The following IQSEC1 variants were observed in gnomAD, a reference collection of about 807,000 sequenced individuals.
IQSEC1 encodes IQ motif and Sec7 domain ArfGEF 1.
A neutral mutation model predicts 91.0 loss-of-function variants in IQSEC1; 31 were observed. The ratio of observed to expected loss-of-function variants is 0.34; its 90% CI spans 0.26 to 0.46. The LOEUF (loss-of-function observed/expected upper bound fraction) is 0.46. Ranked by LOEUF, IQSEC1 falls within the 20% of genes least tolerant of loss-of-function variation. IQSEC1 has a pLI of 1.00. For synonymous variants in IQSEC1, 699 were observed against 662.6 expected (o/e 1.05, Z -0.84); for missense variants, 1,388 against 1,575.6 (o/e 0.88, Z 2.02).
intron 1 of IQSEC1, among the ~76,000 whole-genome samples, chr3:13,168,302 T>C (rs541572219): frequency 6.6e-6 from 1 of 152,350 alleles, no homozygotes; most frequent in East Asian, 1.9e-4. Flanking sequence ...GTAAAAATCA[T>C]CTCTAATCCT....
intron 1 of IQSEC1, among the ~76,000 whole-genome samples, chr3:13,210,277 G>A (rs1231762275): frequency 1.3e-5 from 2 of 152,128 alleles, no homozygotes; most frequent in Non-Finnish European, 2.9e-5. Flanking sequence ...AACGCCAAGT[G>A]CCCGGGACAG....
chr3:13,086,893 A>G (rs1419130122), intron 2 of IQSEC1, among the ~76,000 whole-genome samples: 4 of 152,202 alleles, frequency 2.6e-5, no homozygotes, highest in Non-Finnish European at 5.9e-5. Context: ...TCAAGAAAAT[A>G]TCCTGTCCAC....
intron 2 of IQSEC1, among the ~76,000 whole-genome samples, chr3:13,156,759 T>C (rs1399097859): frequency 6.6e-6 from 1 of 152,136 alleles, no homozygotes; most frequent in African/African-American, 2.4e-5. Flanking sequence ...GGTGAGATGA[T>C]AAGGGAAGAG....
At chr3:13,156,810 T>C (rs1306053632) in intron 2 of IQSEC1, among the ~76,000 whole-genome samples, 1 of 152,140 alleles carries the variant, frequency 6.6e-6, no homozygotes, top group Non-Finnish European at 1.5e-5. Flanking sequence ...GGAGAACTCA[T>C]CTTGGGTGAG....
intron 1 of IQSEC1, among the ~76,000 whole-genome samples, chr3:12,973,220 G>A (rs1255300848): frequency 1.3e-5 from 2 of 152,138 alleles, no homozygotes; most frequent in African/African-American, 2.4e-5. Flanking sequence ...TGTCTTTTCA[G>A]CCTCATTCCC....
Position 12,949,727 on chromosome 3 carries a change from G to A in IQSEC1, c.24-7862C>T, listed in dbSNP as rs894967975. Among the ~76,000 whole-genome samples the A allele has an allele frequency of 4.6e-5, 7 of 152,080 alleles. No individual in the cohort carries two copies. The East Asian group carries it at 9.7e-4, about 21-fold the overall frequency. ...GGGCTATCTTCACCTCTATGCCCCC[G>A]TCTCGGGGAGGGATGGGACACAGCC... On this transcript the variant is annotated intron_variant, in intron 1 of 13. Transcript: ENST00000613206.
chr3:13,097,648 T>G (rs1576248665), intron 2 of IQSEC1, among the ~76,000 whole-genome samples: 1 of 152,226 alleles, frequency 6.6e-6, no homozygotes, highest in East Asian at 1.9e-4. Context: ...TTAAGGGCCT[T>G]TTATTTCTCC....
At chr3:13,034,460 C>T (rs1703962245) in intron 1 of IQSEC1, among the ~76,000 whole-genome samples, 1 of 152,222 alleles carries the variant, frequency 6.6e-6, no homozygotes, top group Admixed American at 6.5e-5. Flanking sequence ...ACCCGTTTCC[C>T]GCCTCTTGCC....
intron 3 of IQSEC1, among the ~76,000 whole-genome samples, chr3:12,927,454 T>A (rs1697255571): frequency 7.2e-6 from 1 of 138,082 alleles, no homozygotes; most frequent in Non-Finnish European, 1.6e-5. Flanking sequence ...CATAGGTGCA[T>A]GCTCTAACTC....
chr3:13,072,995 T>C lies in IQSEC1; in HGVS notation c.20A>G (p.Tyr7Cys), dbSNP rs1038192622. MACRRRYFVEGEAPSSE... is the reference protein window; with the variant it reads MACRRRCFVEGEAPSSE... ...GAAACCTGCCACATATACTCACAAA[T>C]AGCGTCTTCTGCAAGCCATCCTGTG... The change falls in exon 1 of 14, where the codon TAT (tyrosine) becomes TGT (cysteine). Residue 7 changes from tyrosine (Y) to cysteine (C), a missense_variant. Tyr to Cys is a radical substitution (Grantham distance 194). Transcript: ENST00000613206. 3.2e-6 allele frequency: 5 copies of C among 1,551,578 alleles called. No individual in the cohort carries two copies. The highest frequency in any genetic ancestry group is 1.2e-5 in the South Asian group (1 of 84,064).
chr3:13,193,185 C>T lies in IQSEC1; in HGVS notation c.273-29052G>A, dbSNP rs1049115269. The stretch of plus-strand genomic sequence containing the variant: ...GCTCACACACAGAGCCTGCCCCATT[C>T]CCCGGACTCTCATGGGCATCTCTGC... On this transcript the variant is annotated intron_variant, in intron 1 of 15. Coordinates refer to the IQSEC1 transcript ENST00000648114. This position sits in a 1 kb window ranked among gnomAD's most constrained non-coding sequence, Gnocchi z 4.2. Among the ~76,000 whole-genome samples, 3 of 152,222 alleles carry T rather than the reference C, an allele frequency of 2.0e-5. No individual in the cohort carries two copies. Among genetic ancestry groups the T allele is most frequent in the African/African-American group, 7.2e-5 (3 of 41,468 alleles).
At chr3:13,165,522 G>A (rs1427111099) in intron 1 of IQSEC1, among the ~76,000 whole-genome samples, 1 of 110,642 alleles carries the variant, frequency 9.0e-6, no homozygotes, top group Non-Finnish European at 1.9e-5. Flanking sequence ...GGGGGGGTGG[G>A]GGGTGGGGGG....
rs551521126 is a variant in IQSEC1 at position 13,211,343 on chromosome 3, C to T, written c.273-47210G>A. 5.9e-5 allele frequency among the ~76,000 whole-genome samples: 9 copies of T among 152,318 alleles called. No individual in the cohort carries two copies. The South Asian group carries it at 1.2e-3, about 21-fold the overall frequency. ...CTCCTGAACCCAGGACTTCTAATAG[C>T]GTGCCCATGAAATTTACTGAATTAG... is the stretch of plus-strand genomic sequence containing the variant. On this transcript the variant is annotated intron_variant, in intron 1 of 15. Transcript: ENST00000648114. This position sits in a 1 kb window ranked among gnomAD's most constrained non-coding sequence, Gnocchi z 5.3.
intron 1 of IQSEC1, among the ~76,000 whole-genome samples, chr3:13,222,869 G>A (rs968389114): frequency 2.0e-5 from 3 of 152,166 alleles, no homozygotes; most frequent in African/African-American, 7.2e-5. Flanking sequence ...GGCAGCCTGG[G>A]GACTGGCTGG....
At chr3:13,272,386 G>A (rs9310421) in intron 1 of IQSEC1, among the ~76,000 whole-genome samples, 3,549 of 152,284 alleles carry the variant, frequency 0.023, 109 homozygotes, top group African/African-American at 0.072. Context: ...ACATTCATTC[G>A]TACAATATTA....
At chr3:13,005,481 G>C (rs982750560) in intron 1 of IQSEC1, among the ~76,000 whole-genome samples, 1 of 152,130 alleles carries the variant, frequency 6.6e-6, no homozygotes, top group African/African-American at 2.4e-5. Context: ...AGGAGTCCTG[G>C]GCAGTCAGCA....
Position 13,266,886 on chromosome 3 carries a change from A to C in IQSEC1, c.272+15825T>G, listed in dbSNP as rs555784097. Among the ~76,000 whole-genome samples, 265 of 152,226 alleles carry C rather than the reference A, an allele frequency of 1.7e-3. 1 individual carries two copies. The highest frequency in any genetic ancestry group is 6.0e-3 in the African/African-American group (249 of 41,544). On this transcript the variant is annotated intron_variant, in intron 1 of 15. Transcript: ENST00000648114. ...GCTCCAGGGGCACATCTGCTCCCCCACCAGGCTATGAAGTGGACGGCAGGA... is the reference window on the plus strand; with the variant it reads ...GCTCCAGGGGCACATCTGCTCCCCCCCCAGGCTATGAAGTGGACGGCAGGA...
intron 2 of IQSEC1, among the ~76,000 whole-genome samples, chr3:13,084,856 T>C (rs1380745217): frequency 6.6e-6 from 1 of 151,830 alleles, no homozygotes; most frequent in Non-Finnish European, 1.5e-5. Flanking sequence ...AGCTCAGCTC[T>C]GGTTCCTGCC....
At chr3:13,196,640 G>A (rs1282681716) in intron 1 of IQSEC1, among the ~76,000 whole-genome samples, 3 of 152,242 alleles carry the variant, frequency 2.0e-5, no homozygotes, top group Admixed American at 1.3e-4. Context: ...CTTTCCCAAT[G>A]AGAAGAACAC....
Sources: allele counts gnomAD v4.1 joint callset (sites outside exome capture counted in the v4.1 genomes callset), GRCh38; gene constraint gnomAD v4.1.1; non-coding constraint Gnocchi (gnomAD v3.1); transcripts MANE v1.5; gene names NCBI Gene and HGNC (gene_info 2026-07-23, HGNC 2026-07-21).